ERO1B: variants seen among roughly 807,000 people sequenced by gnomAD.
ERO1B encodes endoplasmic reticulum oxidoreductase 1 beta.
In ERO1B, 49 loss-of-function variants were observed where a neutral mutation model predicts 75.3. The ratio of observed to expected loss-of-function variants is 0.65; its 90% CI spans 0.52 to 0.83. The LOEUF (loss-of-function observed/expected upper bound fraction) is 0.83. Among genes scored for constraint, ERO1B ranks in the 40% least tolerant of loss-of-function variants. The pLI is 0.00. For missense variants in ERO1B, 512 were observed against 560.1 expected (o/e 0.91, Z 0.87); for synonymous variants, 191 against 192.9 (o/e 0.99, Z 0.08).
At chr1:236,226,007 T>G (rs1348797141) in intron 12 of ERO1B, among the ~76,000 whole-genome samples, 2 of 152,194 alleles carry the variant, frequency 1.3e-5, no homozygotes, top group Non-Finnish European at 2.9e-5. Context: ...TAGCACTAAA[T>G]TTTGATACTA....
At chr1:236,276,016 T>C (rs1438056018) in intron 1 of ERO1B, among the ~76,000 whole-genome samples, 1 of 152,148 alleles carries the variant, frequency 6.6e-6, no homozygotes, top group Non-Finnish European at 1.5e-5. Flanking sequence ...GAGTGAATCA[T>C]ATGAATACAC....
At position 236,216,149 on chromosome 1, in the gene ERO1B, A is replaced by G. The variant is rs548105590; in HGVS notation, c.*2367T>C. On this transcript the variant is annotated 3_prime_UTR_variant, in exon 16 of 16. Coordinates refer to ENST00000354619, the MANE Select transcript of ERO1B (RefSeq NM_019891.4). ...ATAAACTTACGCCATTGAAGGAAGG[A>G]ATATTTTCCTTTTCTTCATTTTCAT... 2.6e-5 allele frequency: 4 copies of G among 152,158 alleles called. No homozygotes were observed. Among genetic ancestry groups the G allele is most frequent in the Non-Finnish European group, 5.9e-5 (4 of 68,006 alleles). The allele number at this position is 152,158 out of a possible 1,614,324, so 9.4% of individuals were successfully genotyped here. A position where few individuals can be genotyped will look rare whatever the true frequency, so the allele number is the denominator to read the frequency against.
intron 6 of ERO1B, among the ~76,000 whole-genome samples, chr1:236,240,551 T>G (rs1664674963): frequency 6.6e-6 from 1 of 152,208 alleles, no homozygotes; most frequent in South Asian, 2.1e-4. Flanking sequence ...CAACCAGATT[T>G]AGAAACTACT....
chr1:236,281,621 CGTGTGTAGCGGCCGCGGGTGT>C, intron 1 of ERO1B, 40 bp downstream of exon 1: 1 of 1,167,676 alleles, frequency 8.6e-7, no homozygotes, highest in Non-Finnish European at 1.1e-6. Context: ...AGCCGCGGCC[CGTGTGTAGCGGCCGCGGGTGT>C]TCGGCCGGGG....
At chr1:236,241,836 A>G (rs1250427939) in intron 6 of ERO1B, among the ~76,000 whole-genome samples, 1 of 152,170 alleles carries the variant, frequency 6.6e-6, no homozygotes, top group Non-Finnish European at 1.5e-5. Context: ...TGGGAGGCTG[A>G]GGCAGGTGGA....
chr1:236,277,155 G>A (rs550980715), intron 1 of ERO1B, among the ~76,000 whole-genome samples: 1 of 152,180 alleles, frequency 6.6e-6, no homozygotes, highest in African/African-American at 2.4e-5. Context: ...TGTAATCCCA[G>A]CACTTTGGGA....
intron 9 of ERO1B, 121 bp downstream of exon 9, chr1:236,232,707 T>C: frequency 1.4e-6 from 1 of 700,876 alleles, no homozygotes; most frequent in East Asian, 3.0e-5. Flanking sequence ...CATTCATTAG[T>C]AGCTATTTTC....
chr1:236,223,134 G>A (rs530806810), intron 13 of ERO1B, among the ~76,000 whole-genome samples: 16 of 150,642 alleles, frequency 1.1e-4, no homozygotes, highest in Non-Finnish European at 2.1e-4. Flanking sequence ...CCCGGGAGGT[G>A]GAGGTTGCAG....
intron 1 of ERO1B, among the ~76,000 whole-genome samples, chr1:236,273,687 T>A (rs1465337127): frequency 1.3e-5 from 2 of 151,486 alleles, no homozygotes; most frequent in Non-Finnish European, 2.9e-5. Context: ...GCATCTGTAG[T>A]CCCAGCTACT....
At chr1:236,222,933 G>A (rs1172764771) in intron 13 of ERO1B, among the ~76,000 whole-genome samples, 2 of 151,988 alleles carry the variant, frequency 1.3e-5, no homozygotes, top group African/African-American at 4.8e-5. Flanking sequence ...TGGTCAGGCA[G>A]GGTGGCTCAC....
In ERO1B at chr1:236,216,459, T is replaced by C. The variant is rs1297092753; in HGVS notation, c.*2057A>G. On this transcript the variant is annotated 3_prime_UTR_variant, in exon 16 of 16. Transcript: ENST00000354619. ...CCCTACAATCTAATTTATGATAAAA[T>C]AAGATGAATTTCAGCCTAAGAATAC... is the stretch of plus-strand genomic sequence containing the variant. The C allele has an allele frequency of 1.3e-5, 2 of 152,034 alleles. No individual in the cohort carries two copies. Among genetic ancestry groups the C allele is most frequent in the Non-Finnish European group, 2.9e-5 (2 of 67,950 alleles). 9.4% of individuals were successfully genotyped at this position (152,034 alleles called of 1,614,324 possible). A position where few individuals can be genotyped will look rare whatever the true frequency, so the allele number is the denominator to read the frequency against.
At chr1:236,281,628 A>T in intron 1 of ERO1B, 54 bp downstream of exon 1, 2 of 1,205,650 alleles carry the variant, frequency 1.7e-6, no homozygotes, top group Non-Finnish European at 1.1e-6. Flanking sequence ...GCCCGTGTGT[A>T]GCGGCCGCGG....
intron 5 of ERO1B, among the ~76,000 whole-genome samples, chr1:236,246,785 C>A (rs761276864): frequency 6.6e-6 from 1 of 152,110 alleles, no homozygotes; most frequent in Non-Finnish European, 1.5e-5. Flanking sequence ...AAGTATAATG[C>A]TCTGGATGGT....
chr1:236,244,243 T>C (rs1355487946), intron 5 of ERO1B, among the ~76,000 whole-genome samples: 1 of 152,162 alleles, frequency 6.6e-6, no homozygotes, highest in Non-Finnish European at 1.5e-5. Context: ...AAAAACTGTA[T>C]AAATCAGGTA....
chr1:236,245,309 TATATATATATATACAC>T (rs1664818632), intron 5 of ERO1B, among the ~76,000 whole-genome samples: 1 of 21,764 alleles, frequency 4.6e-5, no homozygotes, highest in African/African-American at 8.2e-5. Context: ...TATATATATA[TATATATATATATACAC>T]ACACGTATAT....
At chr1:236,225,850 G>A (rs1275829578) in intron 12 of ERO1B, among the ~76,000 whole-genome samples, 1 of 152,150 alleles carries the variant, frequency 6.6e-6, no homozygotes, top group Non-Finnish European at 1.5e-5. Context: ...CACAAGAATT[G>A]CTTGAACCTG....
intron 5 of ERO1B, among the ~76,000 whole-genome samples, chr1:236,247,755 T>G (rs1664920340): frequency 6.6e-6 from 1 of 152,202 alleles, no homozygotes; most frequent in Non-Finnish European, 1.5e-5. Flanking sequence ...TACTTTGCCC[T>G]TGATGACTGT....
At chr1:236,230,479 GGT>G (rs1664379201) in intron 9 of ERO1B, among the ~76,000 whole-genome samples, 1 of 151,700 alleles carries the variant, frequency 6.6e-6, no homozygotes, top group Non-Finnish European at 1.5e-5. Context: ...CGGGTATGGA[GGT>G]GCAGGCCTGT....
intron 12 of ERO1B, among the ~76,000 whole-genome samples, chr1:236,225,979 G>T (rs922416782): frequency 4.6e-5 from 7 of 152,108 alleles, no homozygotes; most frequent in African/African-American, 1.7e-4. Context: ...TACAAAATTG[G>T]TAGAAAGACC....
Sources: allele counts gnomAD v4.1 joint callset (sites outside exome capture counted in the v4.1 genomes callset), GRCh38; gene constraint gnomAD v4.1.1; transcripts MANE v1.5; gene names NCBI Gene and HGNC (gene_info 2026-07-23, HGNC 2026-07-21).